The following GPC5 variants were observed in gnomAD, a reference collection of about 807,000 sequenced individuals.
GPC5 encodes glypican-5.
Under a neutral mutation model 53.9 loss-of-function variants are expected in GPC5, and 47 were observed. The observed-to-expected ratio is 0.87, with a 90% CI of 0.69 to 1.11. The LOEUF is 1.11. GPC5 is among the 50% of genes most tolerant of loss of function. The pLI is 0.00. For missense variants in GPC5, 748 were observed against 713.1 expected, an observed-to-expected ratio of 1.05 and a Z score of -0.56; for synonymous variants, 286 against 263.3, an observed-to-expected ratio of 1.09 and a Z score of -0.84.
At chr13:92,055,329 T>C (rs1198666504) in intron 6 of GPC5, among the ~76,000 whole-genome samples, 1 of 152,192 alleles carries the variant, frequency 6.6e-6, no homozygotes, top group Non-Finnish European at 1.5e-5. Flanking sequence ...CCCAATTGTA[T>C]ATTTCAGTGA....
intron 6 of GPC5, among the ~76,000 whole-genome samples, chr13:92,054,504 G>C (rs771889513): frequency 1.3e-5 from 2 of 152,020 alleles, no homozygotes; most frequent in Non-Finnish European, 2.9e-5. Context: ...AATTTCTGAT[G>C]CAGGCATTCT....
At chr13:92,832,119 A>G (rs1878064921) in intron 7 of GPC5, among the ~76,000 whole-genome samples, 1 of 152,212 alleles carries the variant, frequency 6.6e-6, no homozygotes, top group South Asian at 2.1e-4. Flanking sequence ...AGACAATGCT[A>G]AAATAATTTT....
At chr13:92,785,912 G>C (rs1876217354) in intron 7 of GPC5, among the ~76,000 whole-genome samples, 1 of 152,158 alleles carries the variant, frequency 6.6e-6, no homozygotes, top group Non-Finnish European at 1.5e-5. Context: ...TATATGTTAA[G>C]TGTTTATACC....
intron 5 of GPC5, among the ~76,000 whole-genome samples, chr13:91,838,223 T>C (rs977223959): frequency 2.0e-5 from 3 of 152,022 alleles, no homozygotes; most frequent in Non-Finnish European, 4.4e-5. Context: ...CTGTCCCAAG[T>C]TTTCCCAGTG....
chr13:91,573,548 CTT>C (rs372047241), intron 2 of GPC5, among the ~76,000 whole-genome samples: 42 of 152,216 alleles, frequency 2.8e-4, no homozygotes, highest in African/African-American at 9.9e-4. Flanking sequence ...TGAAATGCCT[CTT>C]AAGAGCTCAA....
chr13:92,323,631 A>T lies in GPC5; in HGVS notation c.1561+178642A>T, dbSNP rs989041312. On this transcript the variant is annotated intron_variant, in intron 7 of 7. Transcript: ENST00000377067. ...TCTCTAATCTGTCTAATGGTAAAAC[A>T]TAAGTTTTGTGTTTAAAATAGGACT... Among the ~76,000 whole-genome samples the T allele has an allele frequency of 2.6e-5, 4 of 151,794 alleles. No homozygotes were observed. The East Asian group carries it at 7.7e-4, about 29-fold the overall frequency.
intron 7 of GPC5, among the ~76,000 whole-genome samples, chr13:92,581,654 A>G (rs1441217752): frequency 2.0e-5 from 3 of 152,130 alleles, no homozygotes; most frequent in Admixed American, 1.3e-4. Flanking sequence ...GTTTTCCATA[A>G]TGATTGTACC....
At chr13:92,609,921 C>T (rs1163745825) in intron 7 of GPC5, among the ~76,000 whole-genome samples, 2 of 150,912 alleles carry the variant, frequency 1.3e-5, no homozygotes, top group South Asian at 2.1e-4. Flanking sequence ...ATCCCAGCTC[C>T]TCTGGAGGCT....
intron 7 of GPC5, among the ~76,000 whole-genome samples, chr13:92,329,370 C>T (rs145882070): frequency 3.0e-4 from 45 of 152,152 alleles, no homozygotes; most frequent in African/African-American, 1.1e-3. Context: ...AGGTCCCAGA[C>T]GTACAAACAA....
chr13:91,556,543 G>A (rs868101521), intron 2 of GPC5, among the ~76,000 whole-genome samples: 3 of 145,062 alleles, frequency 2.1e-5, no homozygotes, highest in Non-Finnish European at 4.5e-5. Flanking sequence ...TATATAAAAT[G>A]TGTGTGTGTG....
chr13:92,332,113 T>C (rs574516356), intron 7 of GPC5, among the ~76,000 whole-genome samples: 4 of 152,170 alleles, frequency 2.6e-5, no homozygotes, highest in Non-Finnish European at 5.9e-5. Context: ...CCAAACATTC[T>C]CAAATTATGT....
At chr13:92,648,142 A>G (rs907107841) in intron 7 of GPC5, among the ~76,000 whole-genome samples, 1 of 152,006 alleles carries the variant, frequency 6.6e-6, no homozygotes, top group Non-Finnish European at 1.5e-5. Flanking sequence ...TCACTTCATT[A>G]TTTTTGGTAA....
chr13:92,457,868 T>C (rs1051856317), intron 7 of GPC5, among the ~76,000 whole-genome samples: 2 of 152,182 alleles, frequency 1.3e-5, no homozygotes, highest in Non-Finnish European at 2.9e-5. Flanking sequence ...AGGAGCATTT[T>C]CTTCTGATGA....
intron 7 of GPC5, among the ~76,000 whole-genome samples, chr13:92,521,931 G>A (rs1881066697): frequency 6.6e-6 from 1 of 151,890 alleles, no homozygotes; most frequent in East Asian, 1.9e-4. Context: ...AAATTTACAA[G>A]AAAAAAACAA....
At chr13:92,335,411 C>G (rs77478580) in intron 7 of GPC5, among the ~76,000 whole-genome samples, 4,320 of 152,186 alleles carry the variant, frequency 0.028, 214 homozygotes, top group African/African-American at 0.099. Context: ...TCAAAGCAAC[C>G]ATTTTTCTTT....
At chr13:91,570,036 T>A (rs1240297492) in intron 2 of GPC5, among the ~76,000 whole-genome samples, 4 of 152,190 alleles carry the variant, frequency 2.6e-5, no homozygotes, top group Non-Finnish European at 5.9e-5. Context: ...TTTAGAGTGA[T>A]TAAGTCCCTT....
At chr13:92,619,771 G>A (rs1884810500) in intron 7 of GPC5, among the ~76,000 whole-genome samples, 1 of 151,816 alleles carries the variant, frequency 6.6e-6, no homozygotes, top group African/African-American at 2.4e-5. Flanking sequence ...TTAAAACAAA[G>A]AAAAACAACA....
At chr13:91,404,300 T>C (rs1170784626) in intron 1 of GPC5, among the ~76,000 whole-genome samples, 1 of 152,226 alleles carries the variant, frequency 6.6e-6, no homozygotes, top group African/African-American at 2.4e-5. Context: ...ATGAATGGTC[T>C]CTTGGTATAA....
intron 7 of GPC5, among the ~76,000 whole-genome samples, chr13:92,784,013 T>A (rs1435215228): frequency 6.6e-6 from 1 of 152,196 alleles, no homozygotes; most frequent in African/African-American, 2.4e-5. Flanking sequence ...TCCCTAATAG[T>A]AGAGGAGTTA....
Sources: allele counts gnomAD v4.1 joint callset (sites outside exome capture counted in the v4.1 genomes callset), GRCh38; gene constraint gnomAD v4.1.1; transcripts MANE v1.5; gene names NCBI Gene and HGNC (gene_info 2026-07-23, HGNC 2026-07-21).